Variants in ANGPT1 observed in about 807,000 individuals in gnomAD.
The protein encoded by ANGPT1 is angiopoietin-1.
In ANGPT1, 17 loss-of-function variants were observed where a neutral mutation model predicts 62.2. The ratio of observed to expected loss-of-function variants is 0.27; its 90% CI spans 0.19 to 0.41. The LOEUF (loss-of-function observed/expected upper bound fraction) is 0.41, where lower values mean the gene tolerates loss of function less well. Ranked by LOEUF, ANGPT1 falls within the 10% of genes least tolerant of loss-of-function variation. ANGPT1 has a pLI of 1.00. For synonymous variants in ANGPT1, 199 were observed against 198.9 expected (o/e 1.00, Z 0.00); for missense variants, 478 against 594.9 (o/e 0.80, Z 2.04).
chr8:107,427,004 C>G (rs1811057512), intron 1 of ANGPT1, among the ~76,000 whole-genome samples: 1 of 152,034 alleles, frequency 6.6e-6, no homozygotes, highest in African/African-American at 2.4e-5. Context: ...AAGTTAGCAT[C>G]AAAGCAAATT....
intron 1 of ANGPT1, among the ~76,000 whole-genome samples, chr8:107,477,478 C>A (rs1246570846): frequency 6.6e-6 from 1 of 152,092 alleles, no homozygotes; most frequent in Admixed American, 6.6e-5. Flanking sequence ...TCTGAGGATA[C>A]CATGGGTCCG....
At chr8:107,484,825 T>C (rs1812775906) in intron 1 of ANGPT1, among the ~76,000 whole-genome samples, 1 of 152,226 alleles carries the variant, frequency 6.6e-6, no homozygotes, top group African/African-American at 2.4e-5. Context: ...GTGATTATGT[T>C]ATATCAGTAG....
intron 1 of ANGPT1, among the ~76,000 whole-genome samples, chr8:107,477,183 A>T (rs1404625159): frequency 1.3e-5 from 2 of 152,102 alleles, no homozygotes; most frequent in African/African-American, 4.8e-5. Flanking sequence ...CTGACCTATC[A>T]CACCTACTCA....
At chr8:107,307,031 T>C (rs1814735687) in intron 4 of ANGPT1, among the ~76,000 whole-genome samples, 2 of 152,154 alleles carry the variant, frequency 1.3e-5, no homozygotes, top group African/African-American at 4.8e-5. Flanking sequence ...TTTGTAATAA[T>C]GAACTGATTT....
At chr8:107,337,699 T>A (rs1300770433) in intron 2 of ANGPT1, among the ~76,000 whole-genome samples, 2 of 152,216 alleles carry the variant, frequency 1.3e-5, no homozygotes, top group Non-Finnish European at 2.9e-5. Flanking sequence ...TCAATATCAA[T>A]GTAAAGTTCC....
intron 7 of ANGPT1, among the ~76,000 whole-genome samples, chr8:107,273,186 G>A (rs1429412576): frequency 6.6e-6 from 1 of 152,086 alleles, no homozygotes; most frequent in Non-Finnish European, 1.5e-5. Flanking sequence ...TCGGGAGGTA[G>A]ATTTGTTCTC....
At chr8:107,326,014 T>C (rs1815278862) in intron 3 of ANGPT1, among the ~76,000 whole-genome samples, 1 of 152,176 alleles carries the variant, frequency 6.6e-6, no homozygotes, top group African/African-American at 2.4e-5. Flanking sequence ...ATACATAATA[T>C]GTATAATATA....
intron 8 of ANGPT1, among the ~76,000 whole-genome samples, chr8:107,262,286 T>C (rs1188294930): frequency 6.6e-6 from 1 of 152,204 alleles, no homozygotes; most frequent in East Asian, 1.9e-4. Flanking sequence ...TAATGATTTA[T>C]TTATTTGGTT....
At chr8:107,420,135 C>G (rs1352954992) in intron 1 of ANGPT1, among the ~76,000 whole-genome samples, 1 of 152,026 alleles carries the variant, frequency 6.6e-6, no homozygotes, top group East Asian at 1.9e-4. Context: ...CCTATGACTC[C>G]TACAAATTTA....
At chr8:107,342,088 C>CA (rs1442090775) in intron 2 of ANGPT1, among the ~76,000 whole-genome samples, 1 of 152,004 alleles carries the variant, frequency 6.6e-6, no homozygotes, top group Non-Finnish European at 1.5e-5. Context: ...CAAAAAAACC[C>CA]AAAAAAACAT....
intron 8 of ANGPT1, among the ~76,000 whole-genome samples, chr8:107,256,965 T>C (rs925931644): frequency 1.5e-4 from 23 of 152,288 alleles, no homozygotes; most frequent in African/African-American, 5.3e-4. Context: ...CAAGCCATTC[T>C]CCTGCCTCAG....
chr8:107,320,862 G>GT (rs1815133786), intron 4 of ANGPT1, among the ~76,000 whole-genome samples: 1 of 152,032 alleles, frequency 6.6e-6, no homozygotes, highest in Non-Finnish European at 1.5e-5. Flanking sequence ...GAACAAATTT[G>GT]TCACATAGCT....
At chr8:107,348,236 A>C (rs1028338238) in intron 1 of ANGPT1, among the ~76,000 whole-genome samples, 1 of 152,202 alleles carries the variant, frequency 6.6e-6, no homozygotes, top group African/African-American at 2.4e-5. Flanking sequence ...AATCATTAAC[A>C]GCTATGTGAT....
intron 1 of ANGPT1, among the ~76,000 whole-genome samples, chr8:107,452,873 T>C (rs1252384782): frequency 1.3e-5 from 2 of 152,058 alleles, no homozygotes; most frequent in African/African-American, 2.4e-5. Flanking sequence ...GTCTTCCTCA[T>C]GGAAATCTCC....
intron 7 of ANGPT1, among the ~76,000 whole-genome samples, chr8:107,282,905 C>T (rs1243947359): frequency 2.0e-5 from 3 of 151,892 alleles, no homozygotes; most frequent in Non-Finnish European, 4.4e-5. Flanking sequence ...ACATCATACA[C>T]TCCGAAGTGC....
intron 4 of ANGPT1, among the ~76,000 whole-genome samples, chr8:107,315,017 A>G (rs1382769388): frequency 6.6e-6 from 1 of 152,198 alleles, no homozygotes; most frequent in Non-Finnish European, 1.5e-5. Flanking sequence ...AGATGGTAGA[A>G]TTATTCTGAG....
chr8:107,333,957 AAAAG>A (rs61506555), intron 3 of ANGPT1, among the ~76,000 whole-genome samples: 10 of 128,928 alleles, frequency 7.8e-5, no homozygotes, highest in East Asian at 2.4e-4. Flanking sequence ...AGAAAGAAAG[AAAAG>A]AAAGAAAGAA....
chr8:107,467,071 A>T (rs1174888798), intron 1 of ANGPT1, among the ~76,000 whole-genome samples: 2 of 152,074 alleles, frequency 1.3e-5, no homozygotes, highest in Non-Finnish European at 2.9e-5. Flanking sequence ...GCTTGGCTGA[A>T]GATTTAGAAC....
At chr8:107,446,888 G>A (rs1811638012) in intron 1 of ANGPT1, among the ~76,000 whole-genome samples, 1 of 152,106 alleles carries the variant, frequency 6.6e-6, no homozygotes, top group South Asian at 2.1e-4. Context: ...GTGCCAAATA[G>A]GCAATTCTAA....
Sources: allele counts gnomAD v4.1 joint callset (sites outside exome capture counted in the v4.1 genomes callset), GRCh38; gene constraint gnomAD v4.1.1; transcripts MANE v1.5; gene names NCBI Gene and HGNC (gene_info 2026-07-23, HGNC 2026-07-21).